The following ITIH2 variants were observed in gnomAD, a reference collection of about 807,000 sequenced individuals.
ITIH2 encodes inter-alpha-trypsin inhibitor heavy chain 2, also known as inter-alpha-trypsin inhibitor heavy chain H2.
ITIH2 carries 103 observed loss-of-function variants against 104.4 expected under a neutral mutation model. The observed-to-expected ratio is 0.99, with a 90% CI of 0.84 to 1.16. The LOEUF (loss-of-function observed/expected upper bound fraction) is 1.16, where lower values mean the gene tolerates loss of function less well. Among genes scored for constraint, ITIH2 ranks in the 50% most tolerant of loss-of-function variants. The pLI, the probability that ITIH2 is intolerant of heterozygous loss-of-function variation, is 0.00. For missense variants in ITIH2, 1,108 were observed against 1,162.4 expected (o/e 0.95, Z 0.68); for synonymous variants, 436 against 435.4 (o/e 1.00, Z -0.02).
At chr10:7,709,878 G>C (rs59330524) in intron 4 of ITIH2, among the ~76,000 whole-genome samples, 4,614 of 151,956 alleles carry the variant, frequency 0.03, 243 homozygotes, top group African/African-American at 0.11. Context: ...TTTTGAGATG[G>C]AGTCTCGCTC....
At chr10:7,735,388 C>G (rs1212448510) in intron 15 of ITIH2, among the ~76,000 whole-genome samples, 1 of 152,008 alleles carries the variant, frequency 6.6e-6, no homozygotes, top group Non-Finnish European at 1.5e-5. Flanking sequence ...ATAGCGAGAC[C>G]CCATCTCTAA....
At chr10:7,729,792 G>A (rs1834984459) in intron 11 of ITIH2, 160 bp from the exon 12 acceptor site, 3 of 523,180 alleles carry the variant, frequency 5.7e-6, no homozygotes, top group Admixed American at 3.6e-5. Context: ...CAACATGTAC[G>A]AGTGCATCTC....
chr10:7,739,138 A>G (rs1835100632), intron 16 of ITIH2, among the ~76,000 whole-genome samples: 2 of 148,580 alleles, frequency 1.3e-5, no homozygotes, highest in Non-Finnish European at 3.0e-5. Flanking sequence ...TCCATTGACA[A>G]CCTCTCTGGC....
At chr10:7,713,660 G>A (rs4747574) in intron 5 of ITIH2, among the ~76,000 whole-genome samples, 1 of 151,980 alleles carries the variant, frequency 6.6e-6, no homozygotes, top group Non-Finnish European at 1.5e-5. Context: ...TTGCCTTAAT[G>A]ATTTATTCTG....
intron 2 of ITIH2, among the ~76,000 whole-genome samples, chr10:7,705,853 T>A (rs1834742320): frequency 6.6e-6 from 1 of 152,096 alleles, no homozygotes; most frequent in Non-Finnish European, 1.5e-5. Context: ...AGCCTCACAA[T>A]CTCCTTCCTC....
At chr10:7,747,533 A>T (rs886624656) in intron 20 of ITIH2, among the ~76,000 whole-genome samples, 5 of 152,148 alleles carry the variant, frequency 3.3e-5, no homozygotes, top group African/African-American at 1.2e-4. Flanking sequence ...AGCATGTGTC[A>T]CAGAAGCAAT....
intron 4 of ITIH2, among the ~76,000 whole-genome samples, chr10:7,710,417 G>T (rs571134339): frequency 4.3e-4 from 65 of 152,218 alleles, no homozygotes; most frequent in Non-Finnish European, 7.9e-4. Flanking sequence ...TGATTGGAAT[G>T]ATTTCTATGT....
intron 16 of ITIH2, among the ~76,000 whole-genome samples, chr10:7,741,397 C>G (rs1835123070): frequency 6.6e-6 from 1 of 151,960 alleles, no homozygotes; most frequent in African/African-American, 2.4e-5. Context: ...CCAGGCTGGT[C>G]TCGAATGCCT....
chr10:7,721,091 C>A (rs1834898688), intron 7 of ITIH2, 128 bp downstream of exon 7: 6 of 647,982 alleles, frequency 9.3e-6, no homozygotes, highest in Non-Finnish European at 1.4e-5. Context: ...AAATGGGGAT[C>A]CCCAAGTAGA....
intron 4 of ITIH2, among the ~76,000 whole-genome samples, chr10:7,711,626 A>G (rs759192600): frequency 9.9e-5 from 15 of 152,168 alleles, no homozygotes; most frequent in Non-Finnish European, 1.5e-4. Flanking sequence ...TGACCTTGGC[A>G]AGAGTCACCT....
intron 19 of ITIH2, 138 bp downstream of exon 19, chr10:7,745,101 C>A: frequency 1.4e-6 from 1 of 691,040 alleles, no homozygotes; most frequent in Non-Finnish European, 2.4e-6. Context: ...AGTGTGGGGT[C>A]GCTCGGGAAT....
chr10:7,735,910 C>T (rs1280422659), intron 15 of ITIH2, among the ~76,000 whole-genome samples: 1 of 152,046 alleles, frequency 6.6e-6, no homozygotes, highest in Non-Finnish European at 1.5e-5. Context: ...TGACCTCAGG[C>T]GATCCACTTG....
chr10:7,746,779 C>A (rs571941086), intron 20 of ITIH2, 75 bp downstream of exon 20: 4 of 887,168 alleles, frequency 4.5e-6, no homozygotes, highest in Admixed American at 4.0e-5. Flanking sequence ...AATAGAGGAG[C>A]AAAGAAGAAG....
rs766321229 is a variant in ITIH2, at chr10:7,723,476, T to A, written c.893T>A (p.Phe298Tyr). The stretch of plus-strand genomic sequence containing the variant: ...GTGTTTAATGGATATTTTGTCCACT[T>A]CTTTGCTCCTGACAACCTGGACCCA... ...LEVFNGYFVH[F>Y]FAPDNLDPIP... Residue 298 changes from phenylalanine (F) to tyrosine (Y), a missense_variant, in exon 9 of 21, where the codon TTC becomes TAC. Phe to Tyr is a conservative substitution (Grantham distance 22, BLOSUM62 3). Transcript: ENST00000358415. 2.1e-5 allele frequency: 34 copies of A among 1,612,908 alleles called. No homozygotes were observed. Among genetic ancestry groups the A allele is most frequent in the Non-Finnish European group, 2.8e-5 (33 of 1,179,032 alleles).
chr10:7,709,719 G>A (rs1834779022), intron 4 of ITIH2, among the ~76,000 whole-genome samples: 4 of 152,296 alleles, frequency 2.6e-5, no homozygotes, highest in African/African-American at 9.6e-5. Context: ...GCTCTGTTAA[G>A]AGTCCTTTCT....
intron 16 of ITIH2, 126 bp from the exon 17 acceptor site, chr10:7,743,020 G>A (rs547877487): frequency 9.3e-5 from 58 of 625,708 alleles, no homozygotes; most frequent in East Asian, 5.3e-4. Context: ...GAGGAGTACC[G>A]AGCATGTAGG....
chr10:7,733,318 G>A lies in ITIH2; in HGVS notation c.1787+841G>A, dbSNP rs553189032. Among the ~76,000 whole-genome samples the A allele has an allele frequency of 4.6e-5, 7 of 151,896 alleles. No individual in the cohort carries two copies. The South Asian group carries it at 1.3e-3, about 27-fold the overall frequency. On this transcript the variant is annotated intron_variant, in intron 14 of 20. Coordinates refer to ENST00000358415, the MANE Select transcript of ITIH2 (RefSeq NM_002216.3). Reference sequence around the variant, plus strand: ...GGCATGTATTTGCATTTACTGTCTCGATCTCCTGACCTCATGACCCGCCTG... The same window carrying A: ...GGCATGTATTTGCATTTACTGTCTCAATCTCCTGACCTCATGACCCGCCTG...
At chr10:7,721,513 T>C (rs1834902311) in intron 7 of ITIH2, 136 bp from the exon 8 acceptor site, 1 of 745,426 alleles carries the variant, frequency 1.3e-6, no homozygotes. Flanking sequence ...TTCCCATCAG[T>C]AATGGGTCCA....
intron 14 of ITIH2, among the ~76,000 whole-genome samples, chr10:7,733,476 G>C (rs1026775194): frequency 4.6e-5 from 7 of 152,126 alleles, no homozygotes; most frequent in African/African-American, 1.7e-4. Context: ...CTAAGGAAGG[G>C]CTCCCCTATG....
Sources: gnomAD v4.1 joint callset for allele counts (sites outside exome capture counted in the v4.1 genomes callset) on GRCh38, gnomAD v4.1.1 for gene constraint, MANE v1.5 for transcripts, NCBI Gene and HGNC (gene_info 2026-07-23, HGNC 2026-07-21) for gene names.